Variants in DMAC2 observed in about 807,000 individuals in gnomAD.
The protein encoded by DMAC2 is distal membrane arm assembly component 2.
Under a neutral mutation model 29.6 loss-of-function variants are expected in DMAC2, and 32 were observed. The ratio of observed to expected loss-of-function variants is 1.08; its 90% CI spans 0.81 to 1.45. The LOEUF is 1.45. Among genes scored for constraint, DMAC2 ranks in the 40% most tolerant of loss-of-function variants. DMAC2 has a pLI of 0.00. For synonymous variants in DMAC2, 133 were observed against 137.4 expected (o/e 0.97, Z 0.23); for missense variants, 319 against 340.0 (o/e 0.94, Z 0.49).
intron 3 of DMAC2, 102 bp from the exon 4 acceptor site, chr19:41,433,775 C>G: frequency 6.8e-7 from 1 of 1,460,888 alleles, no homozygotes; most frequent in South Asian, 1.3e-5. Flanking sequence ...TATAGGTCAC[C>G]CTTGACATAA....
intron 1 of DMAC2, 148 bp downstream of exon 1, chr19:41,439,734 C>T: frequency 2.1e-6 from 3 of 1,397,454 alleles, no homozygotes; most frequent in Admixed American, 1.9e-5. Flanking sequence ...CCCCACTAGC[C>T]ACAGGTTTGC....
At chr19:41,433,778 T>A in intron 3 of DMAC2, 105 bp from the exon 4 acceptor site, 1 of 1,434,700 alleles carries the variant, frequency 7.0e-7, no homozygotes, top group Non-Finnish European at 9.5e-7. Flanking sequence ...AGGTCACCCT[T>A]GACATAACTA....
intron 5 of DMAC2, chr19:41,432,810 G>GTT (rs1207671410): frequency 6.4e-5 from 33 of 513,300 alleles, no homozygotes; most frequent in African/African-American, 6.0e-4. Flanking sequence ...GTGTGTGTGT[G>GTT]TGTGTGTAGG....
intron 2 of DMAC2, 63 bp downstream of exon 2, chr19:41,438,155 G>A: frequency 6.7e-7 from 1 of 1,499,330 alleles, no homozygotes; most frequent in Non-Finnish European, 9.1e-7. Context: ...GAATGGCAAG[G>A]ACAGGACCTG....
At chr19:41,439,724 C>T (rs577875476) in intron 1 of DMAC2, 158 bp downstream of exon 1, 12 of 1,355,564 alleles carry the variant, frequency 8.9e-6, no homozygotes, top group Non-Finnish European at 1.2e-5. Flanking sequence ...CCTTCCTGGC[C>T]CCCACTAGCC....
chr19:41,438,374 C>T lies in DMAC2; in HGVS notation c.59G>A (p.Arg20Lys), dbSNP rs782307064. The T allele has an allele frequency of 6.2e-7, 1 of 1,614,078 alleles. No individual in the cohort carries two copies. The highest frequency in any genetic ancestry group is 2.2e-5 in the East Asian group (1 of 44,898). ...LVAPMWNGRI[R>K]GIHRLGAAVA... Reference sequence around the variant, plus strand: ...TGCCGCACCCAGGCGATGGATGCCCCTGATACGCCCATTCCACATGGGGGC... The same window carrying T: ...TGCCGCACCCAGGCGATGGATGCCCTTGATACGCCCATTCCACATGGGGGC... The change falls in exon 2 of 6, where the codon AGG becomes AAG. Residue 20 changes from arginine to lysine, a missense_variant. Transcript: ENST00000221943.
chr19:41,438,004 T>C (rs1198802643), intron 2 of DMAC2, among the ~76,000 whole-genome samples: 1 of 152,150 alleles, frequency 6.6e-6, no homozygotes, highest in Non-Finnish European at 1.5e-5. Context: ...CATGTTAGGT[T>C]TGAGATGCCA....
intron 2 of DMAC2, among the ~76,000 whole-genome samples, chr19:41,437,048 T>G (rs1330212105): frequency 6.6e-6 from 1 of 152,154 alleles, no homozygotes; most frequent in Non-Finnish European, 1.5e-5. Flanking sequence ...TGGCTCTTAT[T>G]TGAAGGTTTT....
At chr19:41,439,546 G>A in intron 1 of DMAC2, 1 of 1,536,010 alleles carries the variant, frequency 6.5e-7, no homozygotes, top group Non-Finnish European at 8.7e-7. Context: ...TTATCCTACA[G>A]GCCCCACCCT....
chr19:41,432,265 T>G lies in DMAC2; in HGVS notation c.740A>C (p.Gln247Pro). The G allele has an allele frequency of 6.2e-7, 1 of 1,614,112 alleles. No homozygotes were observed. Among genetic ancestry groups the G allele is most frequent in the Non-Finnish European group, 8.5e-7 (1 of 1,180,010 alleles). ...AEGLKSGPEE[Q>P]PRDTASPVPA ...GACAGGGCTGGCTGTGTCCCGAGGC[T>G]GCTCCTCCGGCCCTGACTTCAGGCC... The change falls in exon 6 of 6, where the codon CAG (glutamine) becomes CCG (proline). Residue 247 changes from glutamine (Q) to proline (P), a missense_variant. Coordinates refer to ENST00000221943, the MANE Select transcript of DMAC2 (RefSeq NM_018035.3).
chr19:41,439,561 T>C (rs1380645770), intron 1 of DMAC2: 3 of 1,532,336 alleles, frequency 2.0e-6, no homozygotes, highest in East Asian at 4.9e-5. Context: ...CACCCTTGCC[T>C]GTCCATTAGC....
intron 1 of DMAC2, 41 bp downstream of exon 1, chr19:41,439,841 C>T: frequency 6.2e-7 from 1 of 1,614,062 alleles, no homozygotes; most frequent in Non-Finnish European, 8.5e-7. Context: ...GGCTGTAGAG[C>T]GGACTTCAAA....
chr19:41,432,484 G>A (rs942278239), intron 5 of DMAC2, 76 bp from the exon 6 acceptor site: 41 of 1,410,206 alleles, frequency 2.9e-5, no homozygotes, highest in Middle Eastern at 1.8e-4. Context: ...ACAGGACAGC[G>A]TGTGCGTGTG....
At position 41,434,028 on chromosome 19, in the gene DMAC2, C is replaced by T. The variant is rs149094932; in HGVS notation, c.297-355G>A. On this transcript the variant is annotated intron_variant, in intron 3 of 5. Coordinates refer to ENST00000221943, the MANE Select transcript of DMAC2 (RefSeq NM_018035.3). ...TGGGCGGACTACGAGGTCAGGAGAT[C>T]GAAACCATCCTGGCTAATACACGGT... Among the ~76,000 whole-genome samples the T allele has an allele frequency of 1.6e-3, 249 of 152,078 alleles. 1 individual carries two copies. Among genetic ancestry groups the T allele is most frequent in the African/African-American group, 5.3e-3 (219 of 41,470 alleles).
In DMAC2 at chr19:41,435,869, C is replaced by CT. The variant is rs782272339; in HGVS notation, c.296+522dup. Among the ~76,000 whole-genome samples, 638 of 142,116 alleles carry CT rather than the reference C, an allele frequency of 4.5e-3. 2 individuals are homozygous for CT. Among genetic ancestry groups the CT allele is most frequent in the South Asian group, 7.0e-3 (31 of 4,398 alleles). The allele number at this position is 142,116 out of a possible 152,430, so 93.2% of individuals were successfully genotyped here. A position where few individuals can be genotyped will look rare whatever the true frequency, so the allele number is the denominator to read the frequency against. On this transcript the variant is annotated intron_variant, in intron 3 of 5. Coordinates refer to ENST00000221943, the MANE Select transcript of DMAC2 (RefSeq NM_018035.3). ...GCCAGTGTGCCCAGCTCCGTTCAGT[C>CT]TTTTTTTTTTTTTTTGACACTTTTG...
chr19:41,439,678 G>A, intron 1 of DMAC2: 3 of 1,321,482 alleles, frequency 2.3e-6, no homozygotes, highest in Non-Finnish European at 3.1e-6. Context: ...CCTCTCGCTC[G>A]CTAAAGCGTC....
At chr19:41,438,496 A>T (rs527485270) in intron 1 of DMAC2, 82 bp from the exon 2 acceptor site, 6 of 1,198,466 alleles carry the variant, frequency 5.0e-6, no homozygotes, top group Non-Finnish European at 6.9e-6. Context: ...TTGCTCCATG[A>T]ACCTCAATCC....
chr19:41,439,745 ACTC>A (rs1465060967), intron 1 of DMAC2, 134 bp downstream of exon 1: 1 of 1,447,656 alleles, frequency 6.9e-7, no homozygotes, highest in East Asian at 2.3e-5. Context: ...ACAGGTTTGC[ACTC>A]CCAGTACGGG....
At chr19:41,434,701 A>G (rs1568522217) in intron 3 of DMAC2, among the ~76,000 whole-genome samples, 1 of 152,126 alleles carries the variant, frequency 6.6e-6, no homozygotes, top group Non-Finnish European at 1.5e-5. Context: ...AAAGAAAGAA[A>G]AACATTATTG....
Sources: gnomAD v4.1 joint callset for allele counts (sites outside exome capture counted in the v4.1 genomes callset) on GRCh38, gnomAD v4.1.1 for gene constraint, MANE v1.5 for transcripts, NCBI Gene and HGNC (gene_info 2026-07-23, HGNC 2026-07-21) for gene names.